The following GRM7 variants were observed in gnomAD, a reference collection of about 807,000 sequenced individuals.
GRM7 encodes the protein glutamate metabotropic receptor 7.
GRM7 carries 35 observed loss-of-function variants against 84.5 expected under a neutral mutation model. The observed-to-expected ratio is 0.41, with a 90% CI of 0.32 to 0.55. The LOEUF is 0.55. Ranked by LOEUF, GRM7 falls within the 20% of genes least tolerant of loss-of-function variation. GRM7 has a pLI of 0.19. For missense variants in GRM7, 1,003 were observed against 1,194.6 expected, an observed-to-expected ratio of 0.84 and a Z score of 2.36; for synonymous variants, 487 against 455.1, an observed-to-expected ratio of 1.07 and a Z score of -0.89.
At chr3:7,716,499 A>C (rs2106515969) in intron 9 of GRM7, among the ~76,000 whole-genome samples, 1 of 152,372 alleles carries the variant, frequency 6.6e-6, no homozygotes, top group Admixed American at 6.5e-5. Flanking sequence ...CCAGGGGCAT[A>C]TATTAACAAA....
chr3:6,948,541 G>A (rs1467442916), intron 1 of GRM7, among the ~76,000 whole-genome samples: 3 of 152,192 alleles, frequency 2.0e-5, no homozygotes, highest in African/African-American at 4.8e-5. Context: ...GTTGATTTGG[G>A]GTGGAGAGTT....
intron 4 of GRM7, among the ~76,000 whole-genome samples, chr3:7,313,715 TCAC>T (rs1700486181): frequency 6.6e-6 from 1 of 152,182 alleles, no homozygotes; most frequent in Non-Finnish European, 1.5e-5. Flanking sequence ...CCTATATTTA[TCAC>T]CACAGGAAAT....
rs150911774 is a variant in GRM7, at chr3:7,340,252, G to A, written c.1033+33600G>A. Among the ~76,000 whole-genome samples the A allele has an allele frequency of 7.4e-3, 1,125 of 152,140 alleles. 18 individuals are homozygous for A. Among genetic ancestry groups the A allele is most frequent in the African/African-American group, 0.026 (1,073 of 41,512 alleles). ...TTCAATAAACATATTGTATTAGTTC[G>A]TTCTCACACTGCTATTAAGAACTGC... On this transcript the variant is annotated intron_variant, in intron 4 of 9. Transcript: ENST00000357716.
intron 7 of GRM7, among the ~76,000 whole-genome samples, chr3:7,463,795 T>C (rs1253912669): frequency 6.6e-6 from 1 of 152,180 alleles, no homozygotes; most frequent in Admixed American, 6.5e-5. Context: ...GTAAGAGCCA[T>C]ACTCATGCAA....
chr3:7,073,636 T>A (rs113975861), intron 1 of GRM7, among the ~76,000 whole-genome samples: 3,004 of 152,262 alleles, frequency 0.02, 108 homozygotes, highest in African/African-American at 0.069. Context: ...GAAACACCTG[T>A]TGCTGTCGAT....
chr3:6,901,671 A>AT (rs1313635395), intron 1 of GRM7, among the ~76,000 whole-genome samples: 6 of 135,840 alleles, frequency 4.4e-5, no homozygotes, highest in East Asian at 2.4e-4. Context: ...AAATCTTTTC[A>AT]TTTTTTTCTT....
At chr3:7,686,167 C>T (rs978293200) in intron 9 of GRM7, among the ~76,000 whole-genome samples, 3 of 152,166 alleles carry the variant, frequency 2.0e-5, no homozygotes, top group Non-Finnish European at 2.9e-5. Context: ...GGCACCAGTA[C>T]TCCCATGTTC....
chr3:7,082,403 C>A (rs191727454), intron 1 of GRM7, among the ~76,000 whole-genome samples: 1 of 151,764 alleles, frequency 6.6e-6, no homozygotes, highest in Non-Finnish European at 1.5e-5. Flanking sequence ...AGCTACTACT[C>A]GGTAAAAAAA....
intron 2 of GRM7, among the ~76,000 whole-genome samples, chr3:7,219,557 A>T (rs961911293): frequency 5.3e-5 from 8 of 152,156 alleles, no homozygotes; most frequent in Non-Finnish European, 1.0e-4. Flanking sequence ...CACCTTCATG[A>T]TCTATGTGGT....
chr3:7,381,164 GT>G (rs200244189), intron 4 of GRM7, among the ~76,000 whole-genome samples: 49 of 150,494 alleles, frequency 3.3e-4, no homozygotes, highest in African/African-American at 8.0e-4. Flanking sequence ...TATTTAGTTA[GT>G]TTTTTTTTGA....
chr3:7,226,059 G>T (rs1460923364), intron 2 of GRM7, among the ~76,000 whole-genome samples: 1 of 152,112 alleles, frequency 6.6e-6, no homozygotes, highest in Non-Finnish European at 1.5e-5. Context: ...ACTTATTTTA[G>T]TTAATTAATA....
intron 1 of GRM7, among the ~76,000 whole-genome samples, chr3:6,970,736 T>C (rs778703364): frequency 6.6e-6 from 1 of 152,046 alleles, no homozygotes; most frequent in Non-Finnish European, 1.5e-5. Context: ...TCCCAGCACT[T>C]TGGGAGGCCG....
intron 4 of GRM7, among the ~76,000 whole-genome samples, chr3:7,322,622 C>G (rs894565530): frequency 1.1e-4 from 16 of 151,636 alleles, no homozygotes; most frequent in Middle Eastern, 3.4e-3. Context: ...GTCCTCAAAG[C>G]TTAGCTCTCA....
At chr3:7,482,175 G>A (rs571740074) in intron 7 of GRM7, among the ~76,000 whole-genome samples, 2 of 152,268 alleles carry the variant, frequency 1.3e-5, no homozygotes, top group African/African-American at 2.4e-5. Flanking sequence ...GTGACAGAGT[G>A]AGACTCCATC....
At chr3:7,725,131 C>T (rs778592722) in intron 9 of GRM7, among the ~76,000 whole-genome samples, 5 of 152,012 alleles carry the variant, frequency 3.3e-5, no homozygotes, top group South Asian at 2.1e-4. Flanking sequence ...TGGAACACTT[C>T]GAGAGTGACA....
At chr3:7,590,339 T>C (rs577411985) in intron 8 of GRM7, among the ~76,000 whole-genome samples, 1 of 152,328 alleles carries the variant, frequency 6.6e-6, no homozygotes, top group South Asian at 2.1e-4. Flanking sequence ...CCCATGGACC[T>C]GTCCAATGAG....
chr3:7,184,779 A>G (rs1185379582), intron 2 of GRM7, among the ~76,000 whole-genome samples: 3 of 152,150 alleles, frequency 2.0e-5, no homozygotes, highest in Non-Finnish European at 4.4e-5. Flanking sequence ...GATACTCCTT[A>G]CATTACTCAT....
chr3:7,488,666 C>T (rs1219746434), intron 7 of GRM7, among the ~76,000 whole-genome samples: 1 of 152,208 alleles, frequency 6.6e-6, no homozygotes, highest in Non-Finnish European at 1.5e-5. Flanking sequence ...TCTTAGACTT[C>T]CCACTCCCCA....
chr3:6,865,067 A>G (rs1278960151), intron 1 of GRM7, among the ~76,000 whole-genome samples: 2 of 152,230 alleles, frequency 1.3e-5, no homozygotes, highest in African/African-American at 4.8e-5. Flanking sequence ...TAATGAAATT[A>G]GTGTGTGGCC....
Sources: allele counts gnomAD v4.1 joint callset (sites outside exome capture counted in the v4.1 genomes callset), GRCh38; gene constraint gnomAD v4.1.1; transcripts MANE v1.5; gene names NCBI Gene and HGNC (gene_info 2026-07-23, HGNC 2026-07-21).